The following GDPD4 variants were observed in gnomAD, a reference collection of about 807,000 sequenced individuals.
GDPD4 encodes glycerophosphodiester phosphodiesterase domain containing 4, also known as glycerophosphodiester phosphodiesterase 6.
A neutral mutation model predicts 67.8 loss-of-function variants in GDPD4; 60 were observed. The ratio of observed to expected loss-of-function variants is 0.88; its 90% CI spans 0.72 to 1.10. The LOEUF is 1.10. GDPD4 is among the 50% of genes least tolerant of loss of function. The pLI is 0.00. For missense variants in GDPD4, 623 were observed against 613.9 expected, an observed-to-expected ratio of 1.01 and a Z score of -0.16; for synonymous variants, 212 against 210.9, an observed-to-expected ratio of 1.00 and a Z score of -0.04.
At chr11:77,294,189 C>T (rs1482320541) in intron 1 of GDPD4, among the ~76,000 whole-genome samples, 1 of 152,104 alleles carries the variant, frequency 6.6e-6, no homozygotes, top group Non-Finnish European at 1.5e-5. Context: ...AGTTTAGTTA[C>T]CAGTAATGTA....
chr11:77,230,144 A>G (rs1049023294), intron 14 of GDPD4, among the ~76,000 whole-genome samples: 12 of 152,174 alleles, frequency 7.9e-5, no homozygotes, highest in Non-Finnish European at 1.5e-4. Flanking sequence ...GAAAATCTTA[A>G]CCAACTTCCA....
intron 16 of GDPD4, 27 bp from the exon 17 acceptor site, chr11:77,217,341 C>T: frequency 1.9e-6 from 3 of 1,567,548 alleles, no homozygotes; most frequent in Non-Finnish European, 2.6e-6. Flanking sequence ...ACACAGATTC[C>T]TCAAATGTCA....
intron 13 of GDPD4, among the ~76,000 whole-genome samples, chr11:77,241,322 C>T (rs930830585): frequency 3.3e-5 from 5 of 152,074 alleles, no homozygotes; most frequent in Non-Finnish European, 5.9e-5. Context: ...GTGAAATAAG[C>T]CACGCAAAGA....
Position 77,216,706 on chromosome 11 carries a change from C to CTTGA in GDPD4, c.*567_*570dup, listed in dbSNP as rs1451813965. 32 of 571,074 alleles carry CTTGA rather than the reference C, an allele frequency of 5.6e-5. No individual in the cohort carries two copies. In the African/African-American group the frequency reaches 5.6e-4, roughly 10 times the overall value. The allele number at this position is 571,074 out of a possible 1,614,324, so 35.4% of individuals were successfully genotyped here. A position where few individuals can be genotyped will look rare whatever the true frequency, so the allele number is the denominator to read the frequency against. On this transcript the variant is annotated 3_prime_UTR_variant, in exon 17 of 17. Transcript: ENST00000315938. ...CTTGCCTAGCCCCTTGAGATGCATT[C>CTTGA]TTGATAGCGAGAGCACAATGGTTCC...
intron 5 of GDPD4, 81 bp downstream of exon 5, chr11:77,276,080 T>C: frequency 1.0e-6 from 1 of 971,918 alleles, no homozygotes; most frequent in South Asian, 1.3e-5. Flanking sequence ...TACACAAAAC[T>C]GAGTACCAAG....
rs550780140 is a variant in GDPD4 at position 77,282,804 on chromosome 11, T to C, written c.53+2281A>G. Among the ~76,000 whole-genome samples the C allele has an allele frequency of 3.3e-5, 5 of 152,276 alleles. No homozygotes were observed. The East Asian group carries it at 9.6e-4, about 29-fold the overall frequency. ...TATTAGTGATATATTAGTACAGAGC[T>C]ATTTTTTATTTGGAACATAAAGACA... is the stretch of plus-strand genomic sequence containing the variant. On this transcript the variant is annotated intron_variant, in intron 3 of 16. Transcript: ENST00000315938.
intron 11 of GDPD4, among the ~76,000 whole-genome samples, chr11:77,246,806 C>T (rs780770109): frequency 1.3e-5 from 2 of 152,112 alleles, no homozygotes; most frequent in East Asian, 1.9e-4. Context: ...TTCTTTGAAA[C>T]GCACAGCATT....
At chr11:77,296,011 G>C (rs1047779898) in intron 1 of GDPD4, among the ~76,000 whole-genome samples, 5 of 152,090 alleles carry the variant, frequency 3.3e-5, no homozygotes, top group Admixed American at 2.0e-4. Context: ...CAGCACTTTG[G>C]GAGGCCGAGG....
At chr11:77,276,612 C>T (rs1277309728) in intron 4 of GDPD4, among the ~76,000 whole-genome samples, 3 of 152,150 alleles carry the variant, frequency 2.0e-5, no homozygotes, top group Non-Finnish European at 2.9e-5. Flanking sequence ...GAAGAAAGGT[C>T]AGGAGGCAGC....
intron 1 of GDPD4, among the ~76,000 whole-genome samples, chr11:77,287,872 C>T (rs1960060784): frequency 6.6e-6 from 1 of 152,222 alleles, no homozygotes; most frequent in African/African-American, 2.4e-5. Flanking sequence ...TCTCCTCTCC[C>T]ATATGGAATC....
chr11:77,258,240 G>T, intron 11 of GDPD4, 146 bp downstream of exon 11: 1 of 714,020 alleles, frequency 1.4e-6, no homozygotes. Context: ...AAGCCCTCCT[G>T]CCAATACTAT....
intron 11 of GDPD4, among the ~76,000 whole-genome samples, chr11:77,251,327 C>T (rs2135851503): frequency 6.6e-6 from 1 of 151,940 alleles, no homozygotes; most frequent in East Asian, 1.9e-4. Context: ...TATGCTTTTC[C>T]ATGTTTTCAT....
chr11:77,275,262 G>C (rs1333385548), intron 5 of GDPD4, among the ~76,000 whole-genome samples: 1 of 152,158 alleles, frequency 6.6e-6, no homozygotes, highest in African/African-American at 2.4e-5. Flanking sequence ...TGTCACTGGA[G>C]CTGCTCAAGC....
chr11:77,290,685 G>A (rs1215452345), intron 1 of GDPD4, among the ~76,000 whole-genome samples: 1 of 152,088 alleles, frequency 6.6e-6, no homozygotes, highest in Non-Finnish European at 1.5e-5. Context: ...AAATAATTAT[G>A]CACCTCAAGG....
chr11:77,258,741 C>A (rs1470087799), intron 10 of GDPD4, among the ~76,000 whole-genome samples, 199 bp from the exon 11 acceptor site: 1 of 152,168 alleles, frequency 6.6e-6, no homozygotes, highest in East Asian at 1.9e-4. Context: ...ATCAATCTTT[C>A]ATGATATATA....
chr11:77,294,704 A>C (rs1006588239), intron 1 of GDPD4, among the ~76,000 whole-genome samples: 7 of 152,228 alleles, frequency 4.6e-5, no homozygotes, highest in African/African-American at 7.2e-5. Flanking sequence ...ATTTTGAAAA[A>C]AAATGTATTT....
chr11:77,248,414 G>A (rs528267859), intron 11 of GDPD4, among the ~76,000 whole-genome samples: 1 of 152,042 alleles, frequency 6.6e-6, no homozygotes, highest in Admixed American at 6.5e-5. Context: ...CGTTGGCCAG[G>A]CTGATCTCGA....
At chr11:77,220,339 G>C (rs1222879623) in intron 16 of GDPD4, among the ~76,000 whole-genome samples, 7 of 152,088 alleles carry the variant, frequency 4.6e-5, no homozygotes, top group African/African-American at 1.7e-4. Context: ...TTGGCTGTTG[G>C]TTTGTCATAA....
At chr11:77,292,245 T>C (rs1004858461) in intron 1 of GDPD4, among the ~76,000 whole-genome samples, 2 of 151,384 alleles carry the variant, frequency 1.3e-5, no homozygotes, top group African/African-American at 2.4e-5. Flanking sequence ...CAGGATAGAG[T>C]AGACTTAAAA....
Sources: gnomAD v4.1 joint callset for allele counts (sites outside exome capture counted in the v4.1 genomes callset) on GRCh38, gnomAD v4.1.1 for gene constraint, MANE v1.5 for transcripts, NCBI Gene and HGNC (gene_info 2026-07-23, HGNC 2026-07-21) for gene names.